Variants in MAP4K5 observed in about 807,000 individuals in gnomAD.
The protein encoded by MAP4K5 is mitogen-activated protein kinase kinase kinase kinase 5.
Under a neutral mutation model 135.6 loss-of-function variants are expected in MAP4K5, and 82 were observed. The ratio of observed to expected loss-of-function variants is 0.60; its 90% CI spans 0.51 to 0.73. The LOEUF (loss-of-function observed/expected upper bound fraction) is 0.73. MAP4K5 is among the 30% of genes least tolerant of loss of function. The pLI, the probability that MAP4K5 is intolerant of heterozygous loss-of-function variation, is 0.00. For missense variants in MAP4K5, 907 were observed against 1,010.9 expected (o/e 0.90, Z 1.39); for synonymous variants, 347 against 335.0 (o/e 1.04, Z -0.39).
chr14:50,537,883 G>A (rs915889530), intron 2 of MAP4K5, among the ~76,000 whole-genome samples: 7 of 152,176 alleles, frequency 4.6e-5, no homozygotes, highest in African/African-American at 1.7e-4. Context: ...GCTCATTGGT[G>A]GAAGGGACTT....
chr14:50,538,024 G>A (rs1231585100), intron 2 of MAP4K5, among the ~76,000 whole-genome samples: 4 of 152,126 alleles, frequency 2.6e-5, no homozygotes, highest in Non-Finnish European at 2.9e-5. Context: ...GGGAGGGGCC[G>A]GGGGCAGAAT....
chr14:50,519,844 T>C (rs2038111102), intron 2 of MAP4K5, among the ~76,000 whole-genome samples: 1 of 151,976 alleles, frequency 6.6e-6, no homozygotes, highest in African/African-American at 2.4e-5. Context: ...AGGAAACAAT[T>C]CCTGGAAAAA....
At chr14:50,473,396 G>A (rs577807068) in intron 9 of MAP4K5, among the ~76,000 whole-genome samples, 19 of 151,994 alleles carry the variant, frequency 1.3e-4, no homozygotes, top group South Asian at 2.1e-4. Context: ...AAAGAAATCC[G>A]TAACTTCTTG....
intron 3 of MAP4K5, among the ~76,000 whole-genome samples, chr14:50,504,007 A>G (rs1384288824): frequency 9.9e-5 from 15 of 152,080 alleles, no homozygotes; most frequent in Admixed American, 9.8e-4. Context: ...CAGGACAAAA[A>G]AGATACTGGG....
intron 31 of MAP4K5, among the ~76,000 whole-genome samples, chr14:50,424,155 A>G (rs2035793106): frequency 6.7e-6 from 1 of 149,488 alleles, no homozygotes; most frequent in Admixed American, 6.7e-5. Flanking sequence ...GATATTGTAG[A>G]TATAAAGTAA....
At chr14:50,560,424 C>A (rs1249387301) in intron 1 of MAP4K5, 6 of 1,267,498 alleles carry the variant, frequency 4.7e-6, no homozygotes, top group Non-Finnish European at 5.6e-6. Flanking sequence ...GGAGACGGGC[C>A]GTAGCCGAGC....
At chr14:50,511,891 G>A (rs948489140) in intron 2 of MAP4K5, among the ~76,000 whole-genome samples, 19 of 152,090 alleles carry the variant, frequency 1.2e-4, no homozygotes, top group Non-Finnish European at 1.9e-4. Flanking sequence ...GTTTAGGGGA[G>A]GAAGGAAAGA....
intron 3 of MAP4K5, among the ~76,000 whole-genome samples, chr14:50,489,816 T>C (rs1244048780): frequency 6.6e-6 from 1 of 152,062 alleles, no homozygotes; most frequent in Non-Finnish European, 1.5e-5. Flanking sequence ...ACCAGCAGAA[T>C]CATAATAAAA....
At chr14:50,518,521 GT>G (rs1488423726) in intron 2 of MAP4K5, among the ~76,000 whole-genome samples, 1 of 152,190 alleles carries the variant, frequency 6.6e-6, no homozygotes, top group Non-Finnish European at 1.5e-5. Context: ...TGTGGAGCAA[GT>G]TACTTCCAGG....
At chr14:50,537,059 T>A (rs1219443082), upstream of MAP4K5, among the ~76,000 whole-genome samples, 1 of 152,240 alleles carries the variant, frequency 6.6e-6, no homozygotes, top group Non-Finnish European at 1.5e-5. Flanking sequence ...GTCAGAGGTC[T>A]TCATGGCAGA....
chr14:50,528,043 T>C (rs1407799143), intron 2 of MAP4K5, among the ~76,000 whole-genome samples: 3 of 151,820 alleles, frequency 2.0e-5, no homozygotes, highest in African/African-American at 7.3e-5. Context: ...AGATTTATCC[T>C]TCCTGCTGGC....
At position 50,440,376 on chromosome 14, in the gene MAP4K5, C is replaced by T. The variant is rs756472404; in HGVS notation, c.1630G>A (p.Ala544Thr). The part of the protein sequence containing the change: ...YTLNLNELHE[A>T]TMEQLFPRKC... The stretch of plus-strand genomic sequence containing the variant: ...TGCCTAATTACCTGTTCCATCGTTG[C>T]CTCATGTAGCTCATTGAGATTCAGT... Residue 544 changes from alanine to threonine, a missense_variant, in exon 22 of 33, where the codon GCA becomes ACA. By Grantham distance (58) the Ala-to-Thr change is moderately conservative. Around this residue, in one of 3 missense-constraint regions of MAP4K5, gnomAD observed 690 missense variants for 777.4 expected, o/e 0.89. Transcript: ENST00000682126. 1.9e-6 allele frequency: 3 copies of T among 1,597,506 alleles called. No individual in the cohort carries two copies. The South Asian group carries it at 3.4e-5, about 18-fold the overall frequency.
intron 3 of MAP4K5, among the ~76,000 whole-genome samples, chr14:50,500,091 T>A (rs971013120): frequency 2.0e-5 from 3 of 152,208 alleles, no homozygotes; most frequent in Non-Finnish European, 4.4e-5. Flanking sequence ...CAGAAAGACA[T>A]CTGTAATATT....
chr14:50,499,465 C>T (rs1411177311), intron 3 of MAP4K5, among the ~76,000 whole-genome samples: 1 of 152,054 alleles, frequency 6.6e-6, no homozygotes, highest in Admixed American at 6.6e-5. Flanking sequence ...CAAGACCAAC[C>T]TGGACAACAT....
At position 50,436,140 on chromosome 14, in the gene MAP4K5, A is replaced by C. The variant is rs535051647; in HGVS notation, c.1883-1075T>G. ...GAATAAATAGGAAGTTAGGAACTTA[A>C]GATCTGAAGTCATTGAACCTGAATC... On this transcript the variant is annotated intron_variant, in intron 26 of 32. Coordinates refer to ENST00000682126, the MANE Select transcript of MAP4K5 (RefSeq NM_006575.6). Among the ~76,000 whole-genome samples the C allele has an allele frequency of 2.6e-5, 4 of 152,334 alleles. No homozygotes were observed. In the South Asian group the frequency reaches 8.3e-4, roughly 32 times the overall value.
chr14:50,520,610 T>G (rs937800160), intron 2 of MAP4K5, among the ~76,000 whole-genome samples: 1 of 152,212 alleles, frequency 6.6e-6, no homozygotes, highest in Non-Finnish European at 1.5e-5. Context: ...GGTTATTCTA[T>G]CTGCCTGAAA....
intron 2 of MAP4K5, among the ~76,000 whole-genome samples, chr14:50,539,230 A>G (rs1387433143): frequency 6.6e-6 from 1 of 152,236 alleles, no homozygotes; most frequent in African/African-American, 2.4e-5. Flanking sequence ...CAGCAGTGAC[A>G]TGAAATGGAG....
At chr14:50,435,546 T>C (rs2036071492) in intron 26 of MAP4K5, among the ~76,000 whole-genome samples, 1 of 151,866 alleles carries the variant, frequency 6.6e-6, no homozygotes, top group African/African-American at 2.4e-5. Context: ...TCAATTTTTT[T>C]TTTTTTTAAG....
At chr14:50,519,669 TAAATAA>T (rs2038107648) in intron 2 of MAP4K5, among the ~76,000 whole-genome samples, 1 of 151,394 alleles carries the variant, frequency 6.6e-6, no homozygotes, top group Non-Finnish European at 1.5e-5. Flanking sequence ...ATAAATAAAA[TAAATAA>T]AAATAAAAAT....
Sources: gnomAD v4.1 joint callset for allele counts (sites outside exome capture counted in the v4.1 genomes callset) on GRCh38, gnomAD v4.1.1 for gene constraint, gnomAD v4.1.1 regional missense constraint, MANE v1.5 for transcripts, NCBI Gene and HGNC (gene_info 2026-07-23, HGNC 2026-07-21) for gene names.